The following KLF12 variants were observed in gnomAD, a reference collection of about 807,000 sequenced individuals.
KLF12 encodes the protein KLF transcription factor 12.
KLF12 carries 9 observed loss-of-function variants against 37.8 expected under a neutral mutation model. The observed-to-expected ratio is 0.24, with a 90% confidence interval of 0.14 to 0.42. The LOEUF is 0.42. Among genes scored for constraint, KLF12 ranks in the 10% least tolerant of loss-of-function variants. The pLI is 1.00. For missense variants in KLF12, 411 were observed against 516.0 expected (o/e 0.80, Z 1.97); for synonymous variants, 208 against 202.1 (o/e 1.03, Z -0.25).
chr13:73,885,118 CTA>C (rs1189252084), intron 3 of KLF12, among the ~76,000 whole-genome samples: 1 of 152,230 alleles, frequency 6.6e-6, no homozygotes, highest in South Asian at 2.1e-4. Context: ...TATGAAATCT[CTA>C]TGTCCAAAGA....
the KLF12 span, among the ~76,000 whole-genome samples, chr13:74,272,459 A>G: frequency 1.3e-5 from 2 of 152,212 alleles, no homozygotes; most frequent in Non-Finnish European, 1.5e-5. Flanking sequence ...CTTAAATGTT[A>G]CAAGTTGTAT....
chr13:74,294,736 T>C, the KLF12 span, among the ~76,000 whole-genome samples: 2 of 152,068 alleles, frequency 1.3e-5, no homozygotes, highest in Admixed American at 6.5e-5. Context: ...ATCCAATTGG[T>C]AACCAAGCCA....
the KLF12 span, among the ~76,000 whole-genome samples, chr13:74,211,350 G>T: frequency 6.6e-6 from 1 of 152,124 alleles, no homozygotes; most frequent in Non-Finnish European, 1.5e-5. Flanking sequence ...CCAACCATCA[G>T]GTCGGGGTAA....
chr13:73,728,404 T>G (rs559631587), intron 6 of KLF12, among the ~76,000 whole-genome samples: 1 of 152,222 alleles, frequency 6.6e-6, no homozygotes, highest in South Asian at 2.1e-4. Flanking sequence ...CAACTGCAAA[T>G]AGAGATAGCT....
At chr13:73,862,940 A>G (rs2138816391) in intron 3 of KLF12, among the ~76,000 whole-genome samples, 1 of 152,292 alleles carries the variant, frequency 6.6e-6, no homozygotes, top group African/African-American at 2.4e-5. Flanking sequence ...TCTTCTTAGC[A>G]TCAGAACTTT....
intron 2 of KLF12, among the ~76,000 whole-genome samples, chr13:73,954,747 T>C (rs1367503325): frequency 6.6e-6 from 1 of 152,206 alleles, no homozygotes; most frequent in Non-Finnish European, 1.5e-5. Context: ...ATATAATCTA[T>C]CAATTTTTCA....
intron 1 of KLF12, among the ~76,000 whole-genome samples, chr13:74,080,526 G>GAAA (rs59366154): frequency 2.1e-5 from 3 of 146,146 alleles, no homozygotes; most frequent in African/African-American, 2.5e-5. Context: ...TGGTCCAAAA[G>GAAA]AAAAAAAAAA....
At chr13:73,738,110 T>TACACACATATATATGTATGTGTAC (rs1566331198) in intron 6 of KLF12, among the ~76,000 whole-genome samples, 1 of 90,476 alleles carries the variant, frequency 1.1e-5, no homozygotes, top group African/African-American at 4.5e-5. Context: ...TATATATATA[T>TACACACATATATATGTATGTGTAC]ATATATATAT....
intron 1 of KLF12, among the ~76,000 whole-genome samples, chr13:74,122,669 T>C (rs1343346007): frequency 1.3e-5 from 2 of 151,996 alleles, no homozygotes; most frequent in Admixed American, 1.3e-4. Context: ...GACTATGAAA[T>C]AACCACTCCT....
chr13:74,132,988 G>A (rs1457232740), intron 1 of KLF12, among the ~76,000 whole-genome samples: 1 of 152,150 alleles, frequency 6.6e-6, no homozygotes, highest in Non-Finnish European at 1.5e-5. Context: ...CTCCCAGGCC[G>A]GCTCTGCGGG....
intron 2 of KLF12, chr13:73,961,931 T>A (rs1891034786): frequency 2.3e-6 from 1 of 441,372 alleles, no homozygotes. Context: ...TGACAGTTTA[T>A]TAGCTTCTTA....
the KLF12 span, among the ~76,000 whole-genome samples, chr13:74,287,349 T>TGAGAGAGGGAGAGAGAGAGAGA: frequency 1.4e-5 from 1 of 71,866 alleles, no homozygotes; most frequent in East Asian, 5.4e-4. Flanking sequence ...CTATCAAAGT[T>TGAGAGAGGGAGAGAGAGAGAGA]GAGAGAGAGA....
chr13:74,210,299 C>T, the KLF12 span, among the ~76,000 whole-genome samples: 2 of 152,054 alleles, frequency 1.3e-5, no homozygotes, highest in African/African-American at 2.4e-5. Context: ...AATGAAGAAG[C>T]TTCTCTTCTT....
chr13:74,158,105 T>C, the KLF12 span, among the ~76,000 whole-genome samples: 3 of 152,154 alleles, frequency 2.0e-5, no homozygotes, highest in African/African-American at 7.2e-5. Flanking sequence ...CAGGGCATGT[T>C]TGGGCTTGAC....
chr13:73,980,377 C>G lies in KLF12; in HGVS notation c.33+14613G>C, dbSNP rs142685690. Among the ~76,000 whole-genome samples, 1,160 of 152,200 alleles carry G rather than the reference C, an allele frequency of 7.6e-3. 19 individuals are homozygous for G. The highest frequency in any genetic ancestry group is 0.027 in the African/African-American group (1,115 of 41,536). On this transcript the variant is annotated intron_variant, in intron 2 of 7. Coordinates refer to ENST00000377669, the MANE Select transcript of KLF12 (RefSeq NM_007249.5). Reference sequence around the variant, plus strand: ...AGATTCTAACATAGCTACCAAAACCCAGTCAGAATATTTTTTTAAAAGTTA... The same window carrying G: ...AGATTCTAACATAGCTACCAAAACCGAGTCAGAATATTTTTTTAAAAGTTA...
chr13:74,123,337 G>C (rs1380946553), intron 1 of KLF12, among the ~76,000 whole-genome samples: 1 of 152,178 alleles, frequency 6.6e-6, no homozygotes, highest in Non-Finnish European at 1.5e-5. Flanking sequence ...GTACTCCAAA[G>C]AGACTACGGC....
chr13:74,149,634 G>T, the KLF12 span, among the ~76,000 whole-genome samples: 1 of 152,022 alleles, frequency 6.6e-6, no homozygotes, highest in Non-Finnish European at 1.5e-5. Flanking sequence ...TCTTCTCAGG[G>T]TACTATCCAG....
chr13:73,882,967 AT>A (rs1887051554), intron 3 of KLF12, among the ~76,000 whole-genome samples: 1 of 152,200 alleles, frequency 6.6e-6, no homozygotes, highest in Admixed American at 6.5e-5. Context: ...TTGTATTGTT[AT>A]AGTACTGTCT....
At chr13:73,803,888 A>G (rs1882423332) in intron 5 of KLF12, among the ~76,000 whole-genome samples, 1 of 152,028 alleles carries the variant, frequency 6.6e-6, no homozygotes, top group Non-Finnish European at 1.5e-5. Flanking sequence ...CATATCCATG[A>G]TGATGTAAAT....
Sources: gnomAD v4.1 joint callset for allele counts (sites outside exome capture counted in the v4.1 genomes callset) on GRCh38, gnomAD v4.1.1 for gene constraint, MANE v1.5 for transcripts, NCBI Gene and HGNC (gene_info 2026-07-23, HGNC 2026-07-21) for gene names.